The following COMT variants were observed in gnomAD, a reference collection of about 807,000 sequenced individuals.
The protein encoded by COMT is catechol-O-methyltransferase, also known as catechol O-methyltransferase.
COMT carries 13 observed loss-of-function variants against 18.9 expected under a neutral mutation model. The ratio of observed to expected loss-of-function variants is 0.69; its 90% confidence interval spans 0.45 to 1.09. The LOEUF (loss-of-function observed/expected upper bound fraction) is 1.09. Ranked by LOEUF, COMT falls within the 50% of genes least tolerant of loss-of-function variation. The pLI is 0.00. For synonymous variants in COMT, 150 were observed against 160.9 expected (o/e 0.93, Z 0.51); for missense variants, 329 against 361.8 (o/e 0.91, Z 0.73).
intron 5 of COMT, 60 bp from the exon 6 acceptor site, chr22:19,968,476 G>T: frequency 6.5e-7 from 1 of 1,536,274 alleles, no homozygotes; most frequent in South Asian, 1.2e-5. Context: ...ATCCTGGTTT[G>T]GGGCAGGTTC....
At chr22:19,959,523 G>C (rs1021271856) in intron 1 of COMT, among the ~76,000 whole-genome samples, 1 of 152,226 alleles carries the variant, frequency 6.6e-6, no homozygotes, top group African/African-American at 2.4e-5. Context: ...AGGAGGGTGG[G>C]CGGGGAGGCC....
intron 1 of COMT, chr22:19,951,074 C>G (rs776526890): frequency 2.0e-5 from 3 of 152,142 alleles, no homozygotes; most frequent in Non-Finnish European, 2.9e-5. Context: ...TCAGAAGAAG[C>G]CTGGGGCGGG....
In COMT at chr22:19,959,373, C is replaced by G. The variant is rs553932083; in HGVS notation, c.-91-1826C>G. Among the ~76,000 whole-genome samples the G allele has an allele frequency of 2.3e-4, 35 of 152,366 alleles. No homozygotes were observed. The South Asian group carries it at 7.2e-3, about 32-fold the overall frequency. ...AGCGCAGGGTCAGCCCTCGGATGGC[C>G]AGGTGGGCGTGATCCCACCCTCCTC... On this transcript the variant is annotated intron_variant, in intron 1 of 5. Transcript: ENST00000361682.
chr22:19,953,865 G>T (rs973530484), intron 1 of COMT, among the ~76,000 whole-genome samples: 1 of 152,132 alleles, frequency 6.6e-6, no homozygotes, highest in South Asian at 2.1e-4. Context: ...CCTGCAGGGG[G>T]CCTCCAAGCA....
rs1942431823 is a variant in COMT at position 19,966,925 on chromosome 22, C to T, written c.616-1611C>T. 7 of 984,844 alleles carry T rather than the reference C, an allele frequency of 7.1e-6. No homozygotes were observed. The Admixed American group carries it at 1.8e-4, about 26-fold the overall frequency. The allele number at this position is 984,844 out of a possible 1,614,324, so 61.0% of individuals were successfully genotyped here. A position where few individuals can be genotyped will look rare whatever the true frequency, so the allele number is the denominator to read the frequency against. On this transcript the variant is annotated intron_variant, in intron 5 of 5. Coordinates refer to ENST00000361682, the MANE Select transcript of COMT (RefSeq NM_000754.4). The stretch of plus-strand genomic sequence containing the variant: ...GTGTCACCTGCTCCTCTGACACTGT[C>T]GCTTCTCCACGGCATTAGATTTTCA...
At chr22:19,963,515 T>C in intron 3 of COMT, 51 bp from the exon 4 acceptor site, 1 of 1,596,932 alleles carries the variant, frequency 6.3e-7, no homozygotes, top group Non-Finnish European at 8.5e-7. Flanking sequence ...GGATCCAAGT[T>C]CCCCTCTCTC....
rs1942645106 is a variant in COMT, at chr22:19,969,844, C to T, written c.*1108C>T. ...GCCCCAGACGCGCAGAGGCCCGACA[C>T]AAGGGAGAAGCCAGCCACTTGTGCC... On this transcript the variant is annotated 3_prime_UTR_variant, in exon 6 of 6. Coordinates refer to ENST00000361682, the MANE Select transcript of COMT (RefSeq NM_000754.4). 2 of 985,370 alleles carry T rather than the reference C, an allele frequency of 2.0e-6. No homozygotes were observed. The highest frequency in any genetic ancestry group is 9.4e-5 in the South Asian group (2 of 21,292). The allele number at this position is 985,370 out of a possible 1,614,324, so 61.0% of individuals were successfully genotyped here.
Position 19,968,874 on chromosome 22 carries a change from C to T in COMT, c.*138C>T. The T allele has an allele frequency of 2.7e-6, 2 of 753,336 alleles. No homozygotes were observed. Among genetic ancestry groups the T allele is most frequent in the South Asian group, 3.1e-5 (2 of 64,930 alleles). 46.7% of individuals were successfully genotyped at this position (753,336 alleles called of 1,614,324 possible). A position where few individuals can be genotyped will look rare whatever the true frequency, so the allele number is the denominator to read the frequency against. On this transcript the variant is annotated 3_prime_UTR_variant, in exon 6 of 6. Coordinates refer to ENST00000361682, the MANE Select transcript of COMT (RefSeq NM_000754.4). ...ACCTCGGCCGAGGCCTGCGCCCTGA[C>T]ATGCTAACCTCTCTGAACTGCAACA...
chr22:19,963,800 C>T (rs371877511), intron 4 of COMT, 41 bp downstream of exon 4: 55 of 1,588,614 alleles, frequency 3.5e-5, no homozygotes, highest in African/African-American at 2.0e-4. Flanking sequence ...GAAAAAGGGC[C>T]GGCTGTGGGC....
At chr22:19,968,458 G>A in intron 5 of COMT, 78 bp from the exon 6 acceptor site, 2 of 1,417,608 alleles carry the variant, frequency 1.4e-6, no homozygotes, top group Non-Finnish European at 2.0e-6. Flanking sequence ...GCCTAGTGAG[G>A]AGCACCCATC....
Position 19,969,906 on chromosome 22 carries a change from GCTTT to G in COMT, c.*1171_*1174del, listed in dbSNP as rs1942650718. 1.0e-6 allele frequency: 1 copy of G among 985,504 alleles called. No homozygotes were observed. Among genetic ancestry groups the G allele is most frequent in the Non-Finnish European group, 1.2e-6 (1 of 829,940 alleles). The allele number at this position is 985,504 out of a possible 1,614,324, so 61.0% of individuals were successfully genotyped here. A position where few individuals can be genotyped will look rare whatever the true frequency, so the allele number is the denominator to read the frequency against. Reference sequence around the variant, plus strand: ...GCAGAAAGCAAAAAGTTCCTTTGCTGCTTTAATTTTTAAATTTTCTTACAAAAAT... The same window carrying G: ...GCAGAAAGCAAAAAGTTCCTTTGCTGAATTTTTAAATTTTCTTACAAAAAT... On this transcript the variant is annotated 3_prime_UTR_variant, in exon 6 of 6. Transcript: ENST00000361682.
chr22:19,952,232 A>G (rs1019745460), intron 1 of COMT, among the ~76,000 whole-genome samples: 1 of 152,226 alleles, frequency 6.6e-6, no homozygotes, highest in African/African-American at 2.4e-5. Flanking sequence ...GCTGGAGCCC[A>G]AGAGTTCAAG....
chr22:19,944,759 T>C (rs1365499875), intron 1 of COMT, among the ~76,000 whole-genome samples: 1 of 131,046 alleles, frequency 7.6e-6, no homozygotes, highest in Non-Finnish European at 1.7e-5. Context: ...GAGGTGGAGC[T>C]TGCAATGAGC....
At chr22:19,942,664 G>A (rs1248991160) in intron 1 of COMT, among the ~76,000 whole-genome samples, 2 of 152,166 alleles carry the variant, frequency 1.3e-5, no homozygotes, top group Non-Finnish European at 2.9e-5. Flanking sequence ...CGTAGGAGCT[G>A]CCCTGCAGAG....
At chr22:19,947,700 C>T (rs1035818403) in intron 1 of COMT, among the ~76,000 whole-genome samples, 1 of 152,194 alleles carries the variant, frequency 6.6e-6, no homozygotes, top group Non-Finnish European at 1.5e-5. Context: ...TGCTTAAGCA[C>T]AGCATCACAG....
intron 3 of COMT, 60 bp from the exon 4 acceptor site, chr22:19,963,506 G>A: frequency 1.3e-6 from 2 of 1,587,430 alleles, no homozygotes; most frequent in East Asian, 2.2e-5. Flanking sequence ...CGTGCCTGGG[G>A]ATCCAAGTTC....
intron 5 of COMT, 99 bp downstream of exon 5, chr22:19,964,398 T>A (rs781045779): frequency 6.5e-7 from 1 of 1,547,960 alleles, no homozygotes; most frequent in South Asian, 1.1e-5. Flanking sequence ...AGTAGAGCCC[T>A]GTGTGGACAC....
intron 1 of COMT, among the ~76,000 whole-genome samples, chr22:19,944,640 C>G (rs1033313203): frequency 2.0e-5 from 3 of 152,068 alleles, no homozygotes; most frequent in Non-Finnish European, 4.4e-5. Flanking sequence ...CTGGCTAACA[C>G]GGTGAAACCC....
intron 5 of COMT, 93 bp downstream of exon 5, chr22:19,964,392 G>C (rs756963573): frequency 7.6e-6 from 12 of 1,572,450 alleles, no homozygotes; most frequent in Non-Finnish European, 8.7e-6. Context: ...CATTCCAGTA[G>C]AGCCCTGTGT....
Sources: gnomAD v4.1 joint callset for allele counts (sites outside exome capture counted in the v4.1 genomes callset) on GRCh38, gnomAD v4.1.1 for gene constraint, MANE v1.5 for transcripts, NCBI Gene and HGNC (gene_info 2026-07-23, HGNC 2026-07-21) for gene names.